Variants in AOPEP observed in about 807,000 individuals in gnomAD.
AOPEP encodes aminopeptidase O.
AOPEP carries 77 observed loss-of-function variants against 98.1 expected under a neutral mutation model. That is an observed-to-expected ratio of 0.78 (90% confidence interval 0.65 to 0.95). The LOEUF is 0.95. Among genes scored for constraint, AOPEP ranks in the 40% least tolerant of loss-of-function variants. AOPEP has a pLI of 0.00. For missense variants in AOPEP, 1,024 were observed against 1,024.7 expected (o/e 1.00, Z 0.01); for synonymous variants, 346 against 365.3 (o/e 0.95, Z 0.60).
At chr9:95,040,930 A>G (rs993341583) in intron 13 of AOPEP, among the ~76,000 whole-genome samples, 1 of 147,912 alleles carries the variant, frequency 6.8e-6, no homozygotes, top group Non-Finnish European at 1.5e-5. Flanking sequence ...CCCTTCCTCA[A>G]AGATTGTACC....
intron 5 of AOPEP, among the ~76,000 whole-genome samples, chr9:94,867,386 A>G (rs1283525624): frequency 2.0e-5 from 3 of 152,178 alleles, no homozygotes; most frequent in Non-Finnish European, 4.4e-5. Flanking sequence ...AGTTTACGTA[A>G]CAGTTTCCCT....
chr9:94,790,097 G>T (rs10993345), intron 3 of AOPEP, among the ~76,000 whole-genome samples: 1 of 151,604 alleles, frequency 6.6e-6, no homozygotes, highest in Non-Finnish European at 1.5e-5. Context: ...GGATGGTCTC[G>T]ATCTCCTGAC....
chr9:94,885,174 C>T (rs1273121085), intron 5 of AOPEP, among the ~76,000 whole-genome samples: 2 of 151,252 alleles, frequency 1.3e-5, no homozygotes, highest in Non-Finnish European at 2.9e-5. Flanking sequence ...CATGGAGGAA[C>T]CCCATCTCTA....
chr9:95,005,338 G>A lies in AOPEP; in HGVS notation c.2040+118G>A, dbSNP rs943168412. 2.5e-5 allele frequency: 18 copies of A among 723,654 alleles called. No homozygotes were observed. In the African/African-American group the frequency reaches 3.0e-4, roughly 12 times the overall value. 44.8% of individuals were successfully genotyped at this position (723,654 alleles called of 1,614,324 possible). ...GTGCGGGGACTACCCGCCAGGCTCCGGCTCGGGCGCGGGGAGCGGCCGTGA... is the reference window on the plus strand; with the variant it reads ...GTGCGGGGACTACCCGCCAGGCTCCAGCTCGGGCGCGGGGAGCGGCCGTGA... On this transcript the variant is annotated intron_variant, in intron 12 of 16. Coordinates refer to ENST00000375315, the MANE Select transcript of AOPEP (RefSeq NM_001193329.3).
downstream of AOPEP, among the ~76,000 whole-genome samples, chr9:95,088,845 C>T (rs771615318): frequency 7.9e-5 from 12 of 152,224 alleles, no homozygotes; most frequent in African/African-American, 1.4e-4. Context: ...CTTTGACCAC[C>T]GGGGATCTGG....
intron 5 of AOPEP, among the ~76,000 whole-genome samples, chr9:94,822,254 G>A (rs961628823): frequency 5.3e-5 from 8 of 152,240 alleles, no homozygotes; most frequent in Non-Finnish European, 1.2e-4. Context: ...GATCTTGTTA[G>A]AAGCTGAAAC....
the AOPEP span, among the ~76,000 whole-genome samples, chr9:95,116,130 ACC>A: frequency 1.3e-5 from 2 of 152,262 alleles, no homozygotes; most frequent in Non-Finnish European, 2.9e-5. Context: ...ATGCCCATGC[ACC>A]ACCTCACCGT....
At chr9:94,803,713 C>T (rs1848660247) in intron 5 of AOPEP, among the ~76,000 whole-genome samples, 1 of 152,146 alleles carries the variant, frequency 6.6e-6, no homozygotes, top group South Asian at 2.1e-4. Context: ...TTTTTGTCAC[C>T]TTTTAATATA....
At chr9:94,871,212 A>C (rs1243598360) in intron 5 of AOPEP, among the ~76,000 whole-genome samples, 1 of 152,162 alleles carries the variant, frequency 6.6e-6, no homozygotes, top group African/African-American at 2.4e-5. Flanking sequence ...TCAACTTGCT[A>C]TCTTTAGCTT....
chr9:94,948,095 A>G (rs924998724), intron 7 of AOPEP, among the ~76,000 whole-genome samples: 2 of 152,118 alleles, frequency 1.3e-5, no homozygotes, highest in African/African-American at 2.4e-5. Context: ...CTTCTTATTC[A>G]TTGGACCCTC....
the AOPEP span, chr9:95,111,410 T>C: frequency 6.3e-7 from 1 of 1,599,102 alleles, no homozygotes; most frequent in Non-Finnish European, 8.5e-7. Context: ...TGCAAGCTCC[T>C]CTCAGCCCCC....
intron 13 of AOPEP, among the ~76,000 whole-genome samples, chr9:95,021,292 A>C (rs958567750): frequency 6.6e-6 from 1 of 152,126 alleles, no homozygotes; most frequent in African/African-American, 2.4e-5. Context: ...TTTTCTCTCT[A>C]ACACAACTGG....
At chr9:95,114,490 A>T in the AOPEP span, 1 of 822,866 alleles carries the variant, frequency 1.2e-6, no homozygotes, top group South Asian at 1.4e-5. Context: ...TCCACTTCTC[A>T]CTTCACCATG....
At chr9:94,939,216 C>G (rs894068225) in intron 7 of AOPEP, among the ~76,000 whole-genome samples, 2 of 150,466 alleles carry the variant, frequency 1.3e-5, no homozygotes, top group East Asian at 3.9e-4. Flanking sequence ...CCACTGCACT[C>G]CAGCCTTGGT....
At chr9:94,851,457 G>A (rs2043536141) in intron 5 of AOPEP, among the ~76,000 whole-genome samples, 1 of 152,072 alleles carries the variant, frequency 6.6e-6, no homozygotes. Flanking sequence ...TTTAAAGAAT[G>A]AATGTATGTT....
At chr9:95,014,881 A>T (rs537991601) in intron 13 of AOPEP, among the ~76,000 whole-genome samples, 1 of 152,362 alleles carries the variant, frequency 6.6e-6, no homozygotes, top group African/African-American at 2.4e-5. Context: ...CTGAACAACC[A>T]GTACATTTTC....
At chr9:94,775,515 C>T (rs1253505482) in intron 3 of AOPEP, among the ~76,000 whole-genome samples, 1 of 152,034 alleles carries the variant, frequency 6.6e-6, no homozygotes, top group South Asian at 2.1e-4. Flanking sequence ...TACAGGCATA[C>T]ACCACCATGC....
At chr9:94,900,211 G>A (rs1304290217) in intron 5 of AOPEP, among the ~76,000 whole-genome samples, 1 of 152,214 alleles carries the variant, frequency 6.6e-6, no homozygotes, top group Non-Finnish European at 1.5e-5. Flanking sequence ...TGTGAAATGA[G>A]ACTGGGGGTA....
chr9:94,984,035 ATTTT>A (rs11334862), intron 11 of AOPEP, among the ~76,000 whole-genome samples: 1 of 142,700 alleles, frequency 7.0e-6, no homozygotes, highest in African/African-American at 2.6e-5. Context: ...TGAGGAGCTA[ATTTT>A]TTTTTTTTTT....
Sources: allele counts gnomAD v4.1 joint callset (sites outside exome capture counted in the v4.1 genomes callset), GRCh38; gene constraint gnomAD v4.1.1; transcripts MANE v1.5; gene names NCBI Gene and HGNC (gene_info 2026-07-23, HGNC 2026-07-21).